Variants in TRPM3 observed in about 807,000 individuals in gnomAD.
The protein encoded by TRPM3 is long transient receptor potential channel 3.
TRPM3 carries 77 observed loss-of-function variants against 181.2 expected under a neutral mutation model. That is an observed-to-expected ratio of 0.42 (90% CI 0.35 to 0.51). TRPM3 has a LOEUF of 0.51. Ranked by LOEUF, TRPM3 falls within the 20% of genes least tolerant of loss-of-function variation. The pLI is 0.01. For missense variants in TRPM3, 1,759 were observed against 2,196.7 expected (o/e 0.80, Z 3.98); for synonymous variants, 745 against 796.4 (o/e 0.94, Z 1.09).
At chr9:70,792,592 G>A (rs568112183) in intron 6 of TRPM3, among the ~76,000 whole-genome samples, 1 of 151,766 alleles carries the variant, frequency 6.6e-6, no homozygotes, top group South Asian at 2.1e-4. Context: ...AAGAGGGACA[G>A]AGGAAGAGAG....
intron 1 of TRPM3, among the ~76,000 whole-genome samples, chr9:70,871,243 T>C (rs187837696): frequency 6.6e-6 from 1 of 152,072 alleles, no homozygotes; most frequent in East Asian, 1.9e-4. Flanking sequence ...AAATTGATTG[T>C]AGATAATATT....
At chr9:70,998,454 C>A (rs145446763) in intron 1 of TRPM3, among the ~76,000 whole-genome samples, 1 of 151,892 alleles carries the variant, frequency 6.6e-6, no homozygotes, top group Admixed American at 6.6e-5. Context: ...TTATGAACAC[C>A]CCCTGAGGGA....
intron 1 of TRPM3, among the ~76,000 whole-genome samples, chr9:71,097,327 CTGG>C (rs1484757183): frequency 1.3e-5 from 2 of 151,838 alleles, no homozygotes; most frequent in Non-Finnish European, 2.9e-5. Flanking sequence ...GTATATACAA[CTGG>C]TGAACATTTT....
intron 1 of TRPM3, among the ~76,000 whole-genome samples, chr9:70,914,906 G>T (rs1017544059): frequency 1.3e-5 from 2 of 152,168 alleles, no homozygotes; most frequent in African/African-American, 2.4e-5. Flanking sequence ...GTTACTGGGT[G>T]CCTCCTAATG....
chr9:71,206,662 T>C (rs370997707), intron 1 of TRPM3, among the ~76,000 whole-genome samples: 4 of 152,190 alleles, frequency 2.6e-5, no homozygotes, highest in African/African-American at 4.8e-5. Flanking sequence ...ACTTTGCTCA[T>C]GCCTATGTCC....
chr9:71,043,086 C>A (rs1205633309), intron 1 of TRPM3, among the ~76,000 whole-genome samples: 2 of 152,192 alleles, frequency 1.3e-5, no homozygotes, highest in Non-Finnish European at 2.9e-5. Flanking sequence ...TTGGAAATTT[C>A]TGTATCTTTG....
At chr9:70,804,056 C>T (rs955955202) in intron 6 of TRPM3, among the ~76,000 whole-genome samples, 1 of 152,044 alleles carries the variant, frequency 6.6e-6, no homozygotes, top group African/African-American at 2.4e-5. Context: ...TCTGGCCAGG[C>T]ATGGTGGCTC....
chr9:71,116,714 G>C (rs373031047), intron 1 of TRPM3, among the ~76,000 whole-genome samples: 1 of 151,840 alleles, frequency 6.6e-6, no homozygotes, highest in Admixed American at 6.6e-5. Context: ...AAAAATAAGA[G>C]TTTGGGCTTT....
chr9:70,572,571 G>A (rs2052735063), intron 22 of TRPM3, among the ~76,000 whole-genome samples: 2 of 152,112 alleles, frequency 1.3e-5, no homozygotes, highest in South Asian at 2.1e-4. Context: ...GGCACTTAGT[G>A]TTGAGGAGTA....
intron 1 of TRPM3, among the ~76,000 whole-genome samples, chr9:71,306,380 G>A (rs559557298): frequency 2.6e-5 from 4 of 152,126 alleles, no homozygotes; most frequent in African/African-American, 9.6e-5. Flanking sequence ...GGTTGAATGA[G>A]GTGCTTTCCT....
intron 1 of TRPM3, among the ~76,000 whole-genome samples, chr9:71,402,580 C>A (rs367674884): frequency 6.6e-6 from 1 of 152,156 alleles, no homozygotes; most frequent in East Asian, 1.9e-4. Flanking sequence ...TTCTTTCCTA[C>A]ATCACTAAAT....
At chr9:70,747,816 C>T (rs192296428) in intron 8 of TRPM3, among the ~76,000 whole-genome samples, 4 of 151,744 alleles carry the variant, frequency 2.6e-5, no homozygotes, top group South Asian at 2.1e-4. Context: ...TTGGACTAGG[C>T]GACCAAGTTC....
At chr9:70,765,643 A>G (rs1341560598) in intron 7 of TRPM3, among the ~76,000 whole-genome samples, 1 of 152,152 alleles carries the variant, frequency 6.6e-6, no homozygotes, top group Non-Finnish European at 1.5e-5. Flanking sequence ...CTAATTTTTC[A>G]TAAGTATTTG....
At chr9:71,224,545 A>T (rs1235148929) in intron 1 of TRPM3, among the ~76,000 whole-genome samples, 2 of 152,194 alleles carry the variant, frequency 1.3e-5, no homozygotes, top group African/African-American at 4.8e-5. Flanking sequence ...TGACCTCACC[A>T]AACAAACTAA....
chr9:71,103,225 T>C (rs773695330), intron 1 of TRPM3, among the ~76,000 whole-genome samples: 1 of 152,208 alleles, frequency 6.6e-6, no homozygotes, highest in Non-Finnish European at 1.5e-5. Flanking sequence ...TTTTCTCCCT[T>C]GAATTCTGAT....
Position 70,934,398 on chromosome 9 carries a change from G to A in TRPM3, c.178-69887C>T, listed in dbSNP as rs1006351096. Among the ~76,000 whole-genome samples, 3 of 152,056 alleles carry A rather than the reference G, an allele frequency of 2.0e-5. No individual in the cohort carries two copies. In the South Asian group the frequency reaches 6.2e-4, roughly 32 times the overall value. On this transcript the variant is annotated intron_variant, in intron 1 of 25. Transcript: ENST00000677713. ...TGTTATGTGGTAAAACCTGAGTATG[G>A]GGACTCTACTGCTCCCTGACTGAAA...
chr9:70,571,489 C>T (rs1397578863), intron 22 of TRPM3, among the ~76,000 whole-genome samples: 7 of 152,066 alleles, frequency 4.6e-5, no homozygotes, highest in African/African-American at 7.2e-5. Context: ...AGTCCAACCC[C>T]GCGTCTCAAA....
At chr9:71,247,215 G>A (rs1048805132) in intron 1 of TRPM3, among the ~76,000 whole-genome samples, 54 of 152,122 alleles carry the variant, frequency 3.5e-4, no homozygotes, top group African/African-American at 1.3e-3. Flanking sequence ...TTAGCTGGGC[G>A]TGGTGGCACA....
intron 7 of TRPM3, among the ~76,000 whole-genome samples, chr9:70,766,419 T>C (rs532828460): frequency 6.6e-6 from 1 of 152,280 alleles, no homozygotes; most frequent in Admixed American, 6.5e-5. Context: ...GGTTAATGAC[T>C]TTCAAGGAAG....
Sources: allele counts gnomAD v4.1 joint callset (sites outside exome capture counted in the v4.1 genomes callset), GRCh38; gene constraint gnomAD v4.1.1; transcripts MANE v1.5; gene names NCBI Gene and HGNC (gene_info 2026-07-23, HGNC 2026-07-21).